IGF1R: variants seen among roughly 807,000 people sequenced by gnomAD.
IGF1R encodes the protein insulin-like growth factor 1 receptor.
In IGF1R, 44 loss-of-function variants were observed where a neutral mutation model predicts 144.6. The observed-to-expected ratio is 0.30, with a 90% confidence interval of 0.24 to 0.39. IGF1R has a LOEUF of 0.39. IGF1R is among the 10% of genes least tolerant of loss of function. The pLI is 1.00. For missense variants in IGF1R, 1,355 were observed against 1,833.7 expected (o/e 0.74, Z 4.77); for synonymous variants, 795 against 722.8 (o/e 1.10, Z -1.60).
At chr15:98,745,563 AGG>A (rs1567107214) in intron 2 of IGF1R, among the ~76,000 whole-genome samples, 1 of 152,272 alleles carries the variant, frequency 6.6e-6, no homozygotes, top group Admixed American at 6.5e-5. Flanking sequence ...GGGCAGGAAC[AGG>A]ACACCTCTGT....
In IGF1R at chr15:98,948,516, G is replaced by C. The variant is rs566239057; in HGVS notation, c.3588-58G>C. 3.8e-6 allele frequency: 6 copies of C among 1,566,782 alleles called. No individual in the cohort carries two copies. In the Admixed American group the frequency reaches 8.3e-5, roughly 22 times the overall value. On this transcript the variant is annotated intron_variant, in intron 19 of 20. Coordinates refer to ENST00000650285, the MANE Select transcript of IGF1R (RefSeq NM_000875.5). ...ATGTAAGAAGTGCTGGAAAGGAGGG[G>C]GCAGCATTGTTCAGTCCATCCCTTT...
chr15:98,777,937 A>C (rs1035110102), intron 2 of IGF1R, among the ~76,000 whole-genome samples: 1 of 152,098 alleles, frequency 6.6e-6, no homozygotes, highest in Non-Finnish European at 1.5e-5. Context: ...AGAAAGTAAA[A>C]CCTTACAGTA....
intron 2 of IGF1R, among the ~76,000 whole-genome samples, chr15:98,861,999 C>T (rs1217179077): frequency 6.6e-6 from 1 of 152,132 alleles, no homozygotes; most frequent in African/African-American, 2.4e-5. Flanking sequence ...GGCTGGTCTC[C>T]GGAAAAAAGT....
intron 2 of IGF1R, among the ~76,000 whole-genome samples, chr15:98,754,356 A>G (rs1259646626): frequency 6.6e-6 from 1 of 152,184 alleles, no homozygotes; most frequent in Non-Finnish European, 1.5e-5. Flanking sequence ...CTCATTGTCC[A>G]AAAGAGTCTT....
rs892843345 is a variant in IGF1R at position 98,877,850 on chromosome 15, AAC to A, written c.641-13473_641-13472del. ...CTGTTGTTGACAAAATTTTATCAGA[AAC>A]ATTGCATACTCTTCTCTAAATAGTA... On this transcript the variant is annotated intron_variant, in intron 2 of 20. Transcript: ENST00000650285. Among the ~76,000 whole-genome samples, 8 of 152,314 alleles carry A rather than the reference AAC, an allele frequency of 5.3e-5. 1 individual carries two copies. The highest frequency in any genetic ancestry group is 2.1e-4 in the South Asian group (1 of 4,830).
At position 98,733,085 on chromosome 15, in the gene IGF1R, C is replaced by CA. The variant is rs151023298; in HGVS notation, c.640+24979dup. On this transcript the variant is annotated intron_variant, in intron 2 of 20. Transcript: ENST00000650285. ...AGAAAGATGTCTACGTGTGGGTGAA[C>CA]ACCTGGCGTATCCCATGCAGGGAGG... Among the ~76,000 whole-genome samples, 1,329 of 152,288 alleles carry CA rather than the reference C, an allele frequency of 8.7e-3. 23 individuals carry two copies. The highest frequency in any genetic ancestry group is 0.03 in the African/African-American group (1,247 of 41,540).
chr15:98,699,742 T>C (rs2053680374), intron 1 of IGF1R, among the ~76,000 whole-genome samples: 1 of 152,214 alleles, frequency 6.6e-6, no homozygotes, highest in Non-Finnish European at 1.5e-5. Flanking sequence ...ACTCTGGTTT[T>C]AACGTTCTGA....
At chr15:98,843,732 A>T (rs1356883541) in intron 2 of IGF1R, among the ~76,000 whole-genome samples, 4 of 152,188 alleles carry the variant, frequency 2.6e-5, no homozygotes, top group Non-Finnish European at 5.9e-5. Flanking sequence ...ACCGCTGGTT[A>T]TAGGTCTTCA....
intron 6 of IGF1R, 33 bp downstream of exon 6, chr15:98,908,932 A>G (rs1344044869): frequency 6.3e-7 from 1 of 1,583,162 alleles, no homozygotes. Context: ...CCGTGGGCCC[A>G]ACCATCATGA....
In IGF1R at chr15:98,959,786, G is replaced by A. The variant is rs886051586; in HGVS notation, c.*2344G>A. 13 of 233,030 alleles carry A rather than the reference G, an allele frequency of 5.6e-5. No homozygotes were observed. The highest frequency in any genetic ancestry group is 1.3e-3 in the Middle Eastern group (1 of 786). The allele number at this position is 233,030 out of a possible 1,614,324, so 14.4% of individuals were successfully genotyped here. A position where few individuals can be genotyped will look rare whatever the true frequency, so the allele number is the denominator to read the frequency against. On this transcript the variant is annotated 3_prime_UTR_variant, in exon 21 of 21. Transcript: ENST00000650285. ...TCAACACAGAAAAGAAAGTTTATAC[G>A]GCTTTTTTGCTGGTCAGCAGTTTGT...
intron 13 of IGF1R, among the ~76,000 whole-genome samples, chr15:98,926,769 G>A (rs531787247): frequency 1.3e-5 from 2 of 152,184 alleles, no homozygotes; most frequent in East Asian, 3.9e-4. Flanking sequence ...GGTTTTTAGG[G>A]GTAAATGGAT....
intron 2 of IGF1R, among the ~76,000 whole-genome samples, chr15:98,852,766 T>A (rs756925321): frequency 6.6e-6 from 1 of 152,146 alleles, no homozygotes; most frequent in Non-Finnish European, 1.5e-5. Context: ...CATGTCTGTT[T>A]TCCCTTCTCT....
intron 1 of IGF1R, among the ~76,000 whole-genome samples, chr15:98,690,924 C>T (rs1372045921): frequency 2.6e-5 from 4 of 152,204 alleles, no homozygotes; most frequent in Non-Finnish European, 4.4e-5. Context: ...TGTTGTCCTG[C>T]GGCTTACATG....
At chr15:98,806,677 C>A (rs1286552846) in intron 2 of IGF1R, among the ~76,000 whole-genome samples, 3 of 152,082 alleles carry the variant, frequency 2.0e-5, no homozygotes, top group African/African-American at 7.2e-5. Context: ...TTTCCTAGTC[C>A]TTGTGAACAT....
intron 2 of IGF1R, among the ~76,000 whole-genome samples, chr15:98,872,620 A>ATACT (rs2141609369): frequency 6.6e-6 from 1 of 152,338 alleles, no homozygotes; most frequent in African/African-American, 2.4e-5. Flanking sequence ...TTATACCAGT[A>ATACT]GCACAGGTGA....
intron 2 of IGF1R, among the ~76,000 whole-genome samples, chr15:98,815,224 T>A (rs568792102): frequency 6.6e-6 from 1 of 152,342 alleles, no homozygotes; most frequent in East Asian, 1.9e-4. Flanking sequence ...GCAAACCAGC[T>A]CTCTTCTGGT....
intron 2 of IGF1R, among the ~76,000 whole-genome samples, chr15:98,852,806 A>C (rs757935682): frequency 1.3e-5 from 2 of 152,162 alleles, no homozygotes; most frequent in Non-Finnish European, 2.9e-5. Flanking sequence ...GCTGCTGTTT[A>C]CAAAAATCCT....
chr15:98,936,413 A>G (rs1210122608), intron 17 of IGF1R, among the ~76,000 whole-genome samples: 1 of 152,178 alleles, frequency 6.6e-6, no homozygotes, highest in Non-Finnish European at 1.5e-5. Context: ...TAATTCTACA[A>G]ATAAACTGGG....
chr15:98,865,165 T>C (rs921663392), intron 2 of IGF1R, among the ~76,000 whole-genome samples: 1 of 152,164 alleles, frequency 6.6e-6, no homozygotes, highest in African/African-American at 2.4e-5. Flanking sequence ...TATATAGCTT[T>C]TGAAGGGGAG....
Sources: gnomAD v4.1 joint callset for allele counts (sites outside exome capture counted in the v4.1 genomes callset) on GRCh38, gnomAD v4.1.1 for gene constraint, MANE v1.5 for transcripts, NCBI Gene and HGNC (gene_info 2026-07-23, HGNC 2026-07-21) for gene names.